Variants in MREG observed in about 807,000 individuals in gnomAD.
The protein encoded by MREG is melanoregulin.
A neutral mutation model predicts 28.5 loss-of-function variants in MREG; 31 were observed. That is an observed-to-expected ratio of 1.09 (90% confidence interval 0.82 to 1.47). The LOEUF (loss-of-function observed/expected upper bound fraction) is 1.47, where lower values mean the gene tolerates loss of function less well. Among genes scored for constraint, MREG ranks in the 40% most tolerant of loss-of-function variants. The pLI is 0.00. For synonymous variants in MREG, 106 were observed against 95.2 expected, an observed-to-expected ratio of 1.11 and a Z score of -0.66; for missense variants, 256 against 257.4, an observed-to-expected ratio of 0.99 and a Z score of 0.04.
At chr2:216,029,999 A>C (rs751558785) in intron 1 of MREG, among the ~76,000 whole-genome samples, 13 of 152,200 alleles carry the variant, frequency 8.5e-5, no homozygotes, top group Non-Finnish European at 1.8e-4. Context: ...ATGGTGGACC[A>C]GTCTCCCACT....
At chr2:216,026,075 A>G (rs1694590525) in intron 1 of MREG, among the ~76,000 whole-genome samples, 1 of 152,234 alleles carries the variant, frequency 6.6e-6, no homozygotes, top group Admixed American at 6.5e-5. Flanking sequence ...GATGACCCTC[A>G]AAAACATTAT....
chr2:216,008,106 A>G (rs1412710133), intron 1 of MREG, among the ~76,000 whole-genome samples: 4 of 152,012 alleles, frequency 2.6e-5, no homozygotes, highest in Non-Finnish European at 4.4e-5. Flanking sequence ...GCTGTGCTTC[A>G]TAGGGCTATG....
At chr2:215,977,000 T>C (rs1559183957) in intron 2 of MREG, among the ~76,000 whole-genome samples, 2 of 152,178 alleles carry the variant, frequency 1.3e-5, no homozygotes, top group Non-Finnish European at 2.9e-5. Context: ...GCTAACATCA[T>C]AATGACAGGA....
At chr2:215,958,558 C>G (rs938413407) in intron 2 of MREG, among the ~76,000 whole-genome samples, 2 of 152,212 alleles carry the variant, frequency 1.3e-5, no homozygotes, top group African/African-American at 4.8e-5. Flanking sequence ...TAATGAACTC[C>G]TTGACCTCCT....
chr2:216,003,135 T>G (rs1217158152), intron 1 of MREG, among the ~76,000 whole-genome samples: 1 of 151,714 alleles, frequency 6.6e-6, no homozygotes, highest in East Asian at 1.9e-4. Flanking sequence ...TTGCCCAAGC[T>G]GGGGTGTCGG....
chr2:215,939,640 G>A (rs1470614171), downstream of MREG: 29 of 152,168 alleles, frequency 1.9e-4, no homozygotes, highest in Admixed American at 1.9e-3. Flanking sequence ...CAGATTTTTA[G>A]TATCTTCTTC....
intron 1 of MREG, among the ~76,000 whole-genome samples, 195 bp downstream of exon 1, chr2:216,013,038 G>A (rs1242022407): frequency 1.3e-5 from 2 of 152,188 alleles, no homozygotes; most frequent in African/African-American, 4.8e-5. Flanking sequence ...GAAGATTTGT[G>A]CTTTTCGGCA....
chr2:216,009,807 A>G (rs1042836834), intron 1 of MREG, among the ~76,000 whole-genome samples: 1 of 152,134 alleles, frequency 6.6e-6, no homozygotes, highest in African/African-American at 2.4e-5. Flanking sequence ...AAGTGCTGGG[A>G]TTACAGGTGT....
chr2:215,993,045 A>G (rs1693763420), intron 2 of MREG, among the ~76,000 whole-genome samples: 1 of 152,230 alleles, frequency 6.6e-6, no homozygotes, highest in Non-Finnish European at 1.5e-5. Context: ...GACTTTCTTC[A>G]CAGAATTAGA....
chr2:216,033,350 T>C (rs1694740561), upstream of MREG, among the ~76,000 whole-genome samples: 1 of 152,134 alleles, frequency 6.6e-6, no homozygotes, highest in Admixed American at 6.5e-5. Flanking sequence ...TAATTTTGCA[T>C]ACAAATTCCT....
intron 2 of MREG, among the ~76,000 whole-genome samples, chr2:215,987,174 G>T (rs1048293781): frequency 6.6e-6 from 1 of 151,762 alleles, no homozygotes; most frequent in South Asian, 2.1e-4. Context: ...AAAAAGCAAA[G>T]TACAGAACAG....
chr2:215,996,300 G>A lies in MREG; in HGVS notation c.255+6C>T. ...CGCGCACAGCAAGACATCAAAAGGT[G>A]CTCACCTCTGAGTCTTTGGCCTGCT... On this transcript the variant is annotated splice_donor_region_variant and intron_variant, in intron 2 of 4. Coordinates refer to ENST00000263268, the MANE Select transcript of MREG (RefSeq NM_018000.3). The A allele has an allele frequency of 6.2e-7, 1 of 1,612,182 alleles. No homozygotes were observed. The highest frequency in any genetic ancestry group is 8.5e-7 in the Non-Finnish European group (1 of 1,179,432).
intron 2 of MREG, among the ~76,000 whole-genome samples, chr2:215,959,958 C>A (rs1284202204): frequency 8.5e-6 from 1 of 118,248 alleles, no homozygotes; most frequent in Middle Eastern, 4.0e-3. Context: ...TGTATAGATA[C>A]TCCTTTTTTT....
At position 216,004,281 on chromosome 2, in the gene MREG, A is replaced by C. The variant is rs545057514; in HGVS notation, c.96-7816T>G. 3.9e-5 allele frequency among the ~76,000 whole-genome samples: 6 copies of C among 152,164 alleles called. No individual in the cohort carries two copies. In the South Asian group the frequency reaches 1.2e-3, roughly 32 times the overall value. On this transcript the variant is annotated intron_variant, in intron 1 of 4. Coordinates refer to ENST00000263268, the MANE Select transcript of MREG (RefSeq NM_018000.3). Reference sequence around the variant, plus strand: ...GCAAACATGCTCCCTCCCTTGCTCTACTTTTGTTTCCTACACACTTATTTA... The same window carrying C: ...GCAAACATGCTCCCTCCCTTGCTCTCCTTTTGTTTCCTACACACTTATTTA...
chr2:215,954,445 A>AACAAACACACACACACACACAC (rs1553547417), intron 2 of MREG, among the ~76,000 whole-genome samples: 123 of 136,600 alleles, frequency 9.0e-4, no homozygotes, highest in African/African-American at 2.4e-3. Flanking sequence ...ATCTGTGTAC[A>AACAAACACACACACACACACAC]ACACACACAC....
chr2:215,949,976 TAAAC>T (rs1692443108), intron 2 of MREG, among the ~76,000 whole-genome samples: 1 of 152,224 alleles, frequency 6.6e-6, no homozygotes, highest in African/African-American at 2.4e-5. Context: ...GACAATAAAA[TAAAC>T]AAAATATTAG....
chr2:215,956,532 T>C (rs1322458328), intron 2 of MREG, among the ~76,000 whole-genome samples: 2 of 152,090 alleles, frequency 1.3e-5, no homozygotes, highest in African/African-American at 4.8e-5. Context: ...GTACATTTCT[T>C]TTGGTGTTGT....
chr2:215,961,300 A>G lies in MREG; in HGVS notation c.256-14187T>C, dbSNP rs182250358. Among the ~76,000 whole-genome samples the G allele has an allele frequency of 1.9e-3, 286 of 152,306 alleles. 3 individuals are homozygous for G. The highest frequency in any genetic ancestry group is 6.4e-3 in the African/African-American group (265 of 41,566). On this transcript the variant is annotated intron_variant, in intron 2 of 4. Transcript: ENST00000263268. The stretch of plus-strand genomic sequence containing the variant: ...TCTGTTGGTAAACAGAGCTGATGAA[A>G]ATGAGCCTTTTTGGCTGGGCAGGTC...
intron 2 of MREG, among the ~76,000 whole-genome samples, chr2:215,980,777 C>G (rs938710248): frequency 1.1e-4 from 16 of 151,356 alleles, no homozygotes; most frequent in Non-Finnish European, 2.2e-4. Context: ...ACGCCACTGC[C>G]CTCCAGCCTG....
Sources: allele counts gnomAD v4.1 joint callset (sites outside exome capture counted in the v4.1 genomes callset), GRCh38; gene constraint gnomAD v4.1.1; transcripts MANE v1.5; gene names NCBI Gene and HGNC (gene_info 2026-07-23, HGNC 2026-07-21).